Variants in DOK7 observed in about 807,000 individuals in gnomAD.
DOK7 encodes the protein docking protein 7.
Under a neutral mutation model 30.7 loss-of-function variants are expected in DOK7, and 32 were observed. The ratio of observed to expected loss-of-function variants is 1.04; its 90% confidence interval spans 0.79 to 1.40. The LOEUF (loss-of-function observed/expected upper bound fraction) is 1.40, where lower values mean the gene tolerates loss of function less well. Ranked by LOEUF, DOK7 falls within the 40% of genes most tolerant of loss-of-function variation. The pLI, the probability that DOK7 is intolerant of heterozygous loss-of-function variation, is 0.00. For missense variants in DOK7, 1,007 were observed against 699.2 expected, an observed-to-expected ratio of 1.44 and a Z score of -4.97; for synonymous variants, 447 against 324.1, an observed-to-expected ratio of 1.38 and a Z score of -4.07.
At chr4:3,495,525 C>A (rs560426645), downstream of DOK7, among the ~76,000 whole-genome samples, 1 of 152,236 alleles carries the variant, frequency 6.6e-6, no homozygotes, top group Non-Finnish European at 1.5e-5. Context: ...CCTCTCCTCA[C>A]GATGCTCGTG....
intron 5 of DOK7, 34 bp from the exon 6 acceptor site, chr4:3,489,643 C>T (rs1273835319): frequency 1.3e-6 from 2 of 1,558,804 alleles, no homozygotes; most frequent in Non-Finnish European, 8.7e-7. Flanking sequence ...GCGGTGGTGG[C>T]CACCTCCTCC....
intron 2 of DOK7, among the ~76,000 whole-genome samples, chr4:3,468,774 ATGTGTGCCTGTGATCATGTATGTC>A (rs1444606387): frequency 2.1e-4 from 27 of 127,744 alleles, no homozygotes; most frequent in African/African-American, 9.1e-4. Flanking sequence ...GTGTGCATGT[ATGTGTGCCTGTGATCATGTATGTC>A]TGTGTGTGCC....
intron 4 of DOK7, among the ~76,000 whole-genome samples, chr4:3,477,934 T>G (rs1293891766): frequency 6.6e-6 from 1 of 152,156 alleles, no homozygotes; most frequent in African/African-American, 2.4e-5. Flanking sequence ...GTACTGGGGC[T>G]TCGGGAGCCA....
Position 3,493,042 on chromosome 4 carries a change from C to T in DOK7, c.1056C>T (p.Leu352=), listed in dbSNP as rs751252312. 9.5e-6 allele frequency: 15 copies of T among 1,573,006 alleles called. No homozygotes were observed. The highest frequency in any genetic ancestry group is 2.7e-5 in the African/African-American group (2 of 74,392). The change falls in exon 7 of 7, where the codon CTC becomes CTT. Residue 352 remains leucine (L), a synonymous_variant. Coordinates refer to ENST00000340083, the MANE Select transcript of DOK7 (RefSeq NM_173660.5). The part of the protein sequence containing the change: ...TGSHSSYSSS[L]SSYAGSSLDV... ...GCCACTCCTCTTACTCCAGCAGCCTCTCGTCCTACGCGGGCAGCAGCCTGG... is the reference window on the plus strand; with the variant it reads ...GCCACTCCTCTTACTCCAGCAGCCTTTCGTCCTACGCGGGCAGCAGCCTGG...
intron 2 of DOK7, among the ~76,000 whole-genome samples, chr4:3,471,569 C>G (rs1310326304): frequency 1.3e-5 from 2 of 152,256 alleles, no homozygotes. Flanking sequence ...GCTCAAGCGG[C>G]CCTGGGGCCC....
chr4:3,490,252 C>G (rs1486450540), intron 6 of DOK7, among the ~76,000 whole-genome samples: 1 of 124,410 alleles, frequency 8.0e-6, no homozygotes, highest in East Asian at 2.5e-4. Context: ...CCTTTTCTCC[C>G]TGCTCATTCA....
intron 5 of DOK7, among the ~76,000 whole-genome samples, chr4:3,486,457 G>A (rs889058934): frequency 3.9e-5 from 6 of 152,376 alleles, no homozygotes; most frequent in East Asian, 1.9e-4. Flanking sequence ...TGGCACCCCC[G>A]CCGTGGTGTG....
At chr4:3,468,197 CACAAGTGTGTGT>C (rs1201858148) in intron 2 of DOK7, among the ~76,000 whole-genome samples, 2 of 138,594 alleles carry the variant, frequency 1.4e-5, no homozygotes, top group African/African-American at 5.9e-5. Flanking sequence ...GGTGTGTGTG[CACAAGTGTGTGT>C]GTGTGCATGT....
chr4:3,469,419 G>T (rs1181716347), intron 2 of DOK7, among the ~76,000 whole-genome samples: 5 of 152,196 alleles, frequency 3.3e-5, no homozygotes, highest in African/African-American at 1.2e-4. Context: ...CGCAGCCAGA[G>T]GGTGGGTGGG....
downstream of DOK7, among the ~76,000 whole-genome samples, chr4:3,498,583 G>A (rs981442853): frequency 2.6e-5 from 4 of 152,114 alleles, no homozygotes; most frequent in South Asian, 2.1e-4. Context: ...AGGCCCCGGC[G>A]CTCCCTCAGC....
At chr4:3,463,450 C>CGGGGGGGGGG in intron 1 of DOK7, 21 bp downstream of exon 1, 5 of 1,229,776 alleles carry the variant, frequency 4.1e-6, no homozygotes, top group Non-Finnish European at 5.1e-6. Flanking sequence ...GTCGGGGGCG[C>CGGGGGGGGGG]GGGGGGGGGG....
intron 4 of DOK7, among the ~76,000 whole-genome samples, chr4:3,482,840 G>A (rs758327159): frequency 6.6e-6 from 1 of 152,202 alleles, no homozygotes; most frequent in Non-Finnish European, 1.5e-5. Context: ...GGTGGACACT[G>A]AGACCACAGA....
At position 3,494,050 on chromosome 4, in the gene DOK7, C is replaced by G; in HGVS notation, c.*549C>G. ...CCCCATCTATGGGAGGAAACTGAAG[C>G]TCAGGAGGCTGTGTGGCTTGCGGGG... On this transcript the variant is annotated 3_prime_UTR_variant, in exon 7 of 7. Transcript: ENST00000340083. The G allele has an allele frequency of 1.0e-6, 1 of 987,738 alleles. No homozygotes were observed. The highest frequency in any genetic ancestry group is 1.2e-6 in the Non-Finnish European group (1 of 831,632). The allele number at this position is 987,738 out of a possible 1,614,324, so 61.2% of individuals were successfully genotyped here.
chr4:3,496,780 A>C, downstream of DOK7: 1 of 1,532,732 alleles, frequency 6.5e-7, no homozygotes, highest in Non-Finnish European at 8.7e-7. Context: ...GATGAGGGGA[A>C]GACTGAAGGA....
Position 3,485,560 on chromosome 4 carries a change from C to T in DOK7, c.554C>T (p.Ser185Phe). Residue 185 changes from serine to phenylalanine, a missense_variant, in exon 5 of 7, where the codon TCC becomes TTC. By Grantham distance (155) the Ser-to-Phe change is radical. Coordinates refer to ENST00000340083, the MANE Select transcript of DOK7 (RefSeq NM_173660.5). The part of the protein sequence containing the change: ...CGYWAGVFFL[S>F]SAEGEQISFL... The stretch of plus-strand genomic sequence containing the variant: ...GCAGGGGCTGGCGTCTTCTTCCTGT[C>T]CTCGGCCGAGGGGGAGCAGATCAGC... 6.2e-7 allele frequency: 1 copy of T among 1,605,440 alleles called. No homozygotes were observed. Among genetic ancestry groups the T allele is most frequent in the Non-Finnish European group, 8.5e-7 (1 of 1,175,486 alleles).
rs980093780 is a variant in DOK7, at chr4:3,484,552, G to A, written c.533-987G>A. ...AGCCAGCCCAGTGGCCCATTCACGC[G>A]GCCGCCAGGGCTTCATTCACCCCTG... On this transcript the variant is annotated intron_variant, in intron 4 of 6. Transcript: ENST00000340083. 1.0e-5 allele frequency: 10 copies of A among 985,356 alleles called. No homozygotes were observed. The African/African-American group carries it at 1.0e-4, about 10-fold the overall frequency. 61.0% of individuals were successfully genotyped at this position (985,356 alleles called of 1,614,324 possible).
At chr4:3,468,280 G>T (rs1364530147) in intron 2 of DOK7, among the ~76,000 whole-genome samples, 1 of 151,726 alleles carries the variant, frequency 6.6e-6, no homozygotes, top group African/African-American at 2.4e-5. Flanking sequence ...GAATACCTGT[G>T]GGAGTGTGTG....
Position 3,491,382 on chromosome 4 carries a change from G to A in DOK7, c.773-1377G>A, listed in dbSNP as rs12648612. On this transcript the variant is annotated intron_variant, in intron 6 of 6. Coordinates refer to ENST00000340083, the MANE Select transcript of DOK7 (RefSeq NM_173660.5). Reference sequence around the variant, plus strand: ...CTTCCTTCCTCTGCTCCCCCTGCTCGTTCATTCCTTCCTGCTCACCCCAGC... The same window carrying A: ...CTTCCTTCCTCTGCTCCCCCTGCTCATTCATTCCTTCCTGCTCACCCCAGC... 4.3e-3 allele frequency among the ~76,000 whole-genome samples: 407 copies of A among 93,608 alleles called. 4 individuals are homozygous for A. Among genetic ancestry groups the A allele is most frequent in the African/African-American group, 0.013 (321 of 25,198 alleles). 61.4% of individuals were successfully genotyped at this position (93,608 alleles called of 152,430 possible).
intron 2 of DOK7, among the ~76,000 whole-genome samples, chr4:3,464,342 G>A (rs927809808): frequency 3.3e-5 from 5 of 152,188 alleles, no homozygotes; most frequent in Non-Finnish European, 5.9e-5. Context: ...TCCCTCCTGC[G>A]TCCCCTCTGC....
Sources: gnomAD v4.1 joint callset for allele counts (sites outside exome capture counted in the v4.1 genomes callset) on GRCh38, gnomAD v4.1.1 for gene constraint, MANE v1.5 for transcripts, NCBI Gene and HGNC (gene_info 2026-07-23, HGNC 2026-07-21) for gene names.